TLE3: variants seen among roughly 807,000 people sequenced by gnomAD.
The protein encoded by TLE3 is TLE family member 3, transcriptional corepressor.
A neutral mutation model predicts 93.0 loss-of-function variants in TLE3; 14 were observed. The observed-to-expected ratio is 0.15, with a 90% confidence interval of 0.10 to 0.24. The LOEUF (loss-of-function observed/expected upper bound fraction) is 0.24, where lower values mean the gene tolerates loss of function less well. TLE3 is among the 10% of genes least tolerant of loss of function. The pLI is 1.00. For missense variants in TLE3, 693 were observed against 1,046.6 expected, an observed-to-expected ratio of 0.66 and a Z score of 4.66; for synonymous variants, 451 against 425.0, an observed-to-expected ratio of 1.06 and a Z score of -0.75.
intron 8 of TLE3, 130 bp from the exon 9 acceptor site, chr15:70,060,779 T>C: frequency 6.7e-7 from 1 of 1,488,056 alleles, no homozygotes; most frequent in South Asian, 1.2e-5. Context: ...CTCTCTGCCC[T>C]GCAGATCGTG....
intron 9 of TLE3, among the ~76,000 whole-genome samples, 161 bp downstream of exon 9, chr15:70,060,369 G>A (rs2056389237): frequency 6.6e-6 from 1 of 152,128 alleles, no homozygotes; most frequent in Non-Finnish European, 1.5e-5. Context: ...CCCTAGCCCT[G>A]TTCCCACCCT....
rs2228176 is a variant in TLE3 at position 70,060,629 on chromosome 15, C to T, written c.615G>A (p.Ser205=). The T allele has an allele frequency of 6.2e-6, 10 of 1,613,632 alleles. No homozygotes were observed. The highest frequency in any genetic ancestry group is 5.3e-5 in the African/African-American group (4 of 74,890). ...ESSANNSVSP[S]ESLRASEKHR... ...GCTTCTCACTGGCCCGGAGGCTTTC[C>T]GAGGGTGACACAGAGTTATTCTGGA... Residue 205 remains serine (S), a synonymous_variant, in exon 9 of 20, where the codon TCG becomes TCA. Coordinates refer to ENST00000451782, the MANE Select transcript of TLE3 (RefSeq NM_001105192.3).
At chr15:70,089,890 G>T (rs1259666391) in intron 4 of TLE3, among the ~76,000 whole-genome samples, 1 of 152,220 alleles carries the variant, frequency 6.6e-6, no homozygotes, top group Non-Finnish European at 1.5e-5. Flanking sequence ...AGGAAAGGAA[G>T]AACTCCGTGT....
At chr15:70,050,855 CG>C (rs2055462387) in intron 19 of TLE3, 1 of 153,870 alleles carries the variant, frequency 6.5e-6, no homozygotes, top group African/African-American at 2.5e-5. Context: ...AAAGAGTGCA[CG>C]TGTGTGTGTG....
rs2056273350 is a variant in TLE3, at chr15:70,058,861, C to A, written c.766-46G>T. On this transcript the variant is annotated intron_variant, in intron 10 of 19. Coordinates refer to ENST00000451782, the MANE Select transcript of TLE3 (RefSeq NM_001105192.3). This position sits in a 1 kb window ranked among gnomAD's most constrained non-coding sequence, Gnocchi z 4.1. ...GAGATGCACTGAAAGCAACAGCCAG[C>A]CTCGAGGCTTCCCTGCTCTGGGAGT... The A allele has an allele frequency of 6.7e-7, 1 of 1,502,040 alleles. No homozygotes were observed. Among genetic ancestry groups the A allele is most frequent in the South Asian group, 1.3e-5 (1 of 74,216 alleles). 93.0% of individuals were successfully genotyped at this position (1,502,040 alleles called of 1,614,324 possible).
At chr15:70,072,543 C>G (rs574201948) in intron 6 of TLE3, among the ~76,000 whole-genome samples, 1 of 152,364 alleles carries the variant, frequency 6.6e-6, no homozygotes, top group Admixed American at 6.5e-5. Flanking sequence ...GTCACTGAGA[C>G]AGATGACACA....
rs144983314 is a variant in TLE3 at position 70,094,798 on chromosome 15, G to C, written c.190-222C>G. ...AGAACGTTATATTATGTGGTAGTAA[G>C]GGGAGCTGGGCCTTCCCTCCCACAA... On this transcript the variant is annotated intron_variant, in intron 3 of 19. Coordinates refer to ENST00000451782, the MANE Select transcript of TLE3 (RefSeq NM_001105192.3). 3.9e-3 allele frequency: 2,055 copies of C among 530,934 alleles called. 77 individuals are homozygous for C. In the Admixed American group the frequency reaches 0.063, roughly 16 times the overall value. 32.9% of individuals were successfully genotyped at this position (530,934 alleles called of 1,614,324 possible).
chr15:70,058,036 G>A lies in TLE3; in HGVS notation c.1051+123C>T. 1.4e-6 allele frequency: 2 copies of A among 1,431,108 alleles called. No individual in the cohort carries two copies. The highest frequency in any genetic ancestry group is 1.3e-5 in the South Asian group (1 of 75,880). 88.7% of individuals were successfully genotyped at this position (1,431,108 alleles called of 1,614,324 possible). A position where few individuals can be genotyped will look rare whatever the true frequency, so the allele number is the denominator to read the frequency against. On this transcript the variant is annotated intron_variant, in intron 12 of 19. Transcript: ENST00000451782. This position sits in a 1 kb window ranked among gnomAD's most constrained non-coding sequence, Gnocchi z 4.1. Reference sequence around the variant, plus strand: ...AAATCTGACCGTGAAGTCCCCAGGGGCAGGCCCTGGGAGACACTGCCTGTG... The same window carrying A: ...AAATCTGACCGTGAAGTCCCCAGGGACAGGCCCTGGGAGACACTGCCTGTG...
intron 17 of TLE3, 152 bp from the exon 18 acceptor site, chr15:70,052,676 C>T: frequency 2.7e-6 from 2 of 733,594 alleles, no homozygotes; most frequent in East Asian, 3.1e-5. Flanking sequence ...CATTTTCCAT[C>T]CCCATTTTAT....
chr15:70,082,619 C>T (rs956084600), intron 4 of TLE3, among the ~76,000 whole-genome samples: 1 of 152,182 alleles, frequency 6.6e-6, no homozygotes, highest in Non-Finnish European at 1.5e-5. Context: ...TTTATGCCCT[C>T]CGAGGAAGCC....
chr15:70,096,941 C>G lies in TLE3; in HGVS notation c.-143G>C, dbSNP rs912939234. ...CCCCGGCCCCCCCAGCTCGTTCTCG[C>G]AGCGAAATCCCAGAGTCGGGCGCCC... On this transcript the variant is annotated 5_prime_UTR_variant, in exon 1 of 20. Coordinates refer to ENST00000451782, the MANE Select transcript of TLE3 (RefSeq NM_001105192.3). 15 of 959,710 alleles carry G rather than the reference C, an allele frequency of 1.6e-5. No homozygotes were observed. The African/African-American group carries it at 2.4e-4, about 15-fold the overall frequency. The allele number at this position is 959,710 out of a possible 1,614,324, so 59.4% of individuals were successfully genotyped here. A position where few individuals can be genotyped will look rare whatever the true frequency, so the allele number is the denominator to read the frequency against.
chr15:70,059,329 C>T, intron 10 of TLE3, 81 bp downstream of exon 10: 1 of 1,500,964 alleles, frequency 6.7e-7, no homozygotes, highest in Non-Finnish European at 9.0e-7. Flanking sequence ...CTAGAACAGA[C>T]AGAATAGATC....
At chr15:70,095,702 G>T in intron 2 of TLE3, 61 bp from the exon 3 acceptor site, 1 of 1,533,010 alleles carries the variant, frequency 6.5e-7, no homozygotes, top group South Asian at 1.2e-5. Flanking sequence ...CTGAGGCCCC[G>T]ACCCAAGGGC....
rs1444242255 is a variant in TLE3, at chr15:70,055,313, A to C, written c.1329-15T>G. 2 of 1,550,064 alleles carry C rather than the reference A, an allele frequency of 1.3e-6. No individual in the cohort carries two copies. The highest frequency in any genetic ancestry group is 1.7e-6 in the Non-Finnish European group (2 of 1,148,908). On this transcript the variant is annotated splice_polypyrimidine_tract_variant and intron_variant, in intron 14 of 19. Coordinates refer to ENST00000451782, the MANE Select transcript of TLE3 (RefSeq NM_001105192.3). ...ATGAGTACGCTCTGAAAAGGTGAGAAACCGTCACTGCTGCCATCCACCCCG... is the reference window on the plus strand; with the variant it reads ...ATGAGTACGCTCTGAAAAGGTGAGACACCGTCACTGCTGCCATCCACCCCG...
At chr15:70,075,271 G>A (rs767769174) in intron 5 of TLE3, among the ~76,000 whole-genome samples, 2 of 152,228 alleles carry the variant, frequency 1.3e-5, no homozygotes, top group African/African-American at 2.4e-5. Flanking sequence ...GATGTTGATA[G>A]TGGGGAGGAT....
Position 70,055,226 on chromosome 15 carries a change from G to A in TLE3, c.1401C>T (p.Gly467=). The part of the protein sequence containing the change: ...PVPFPHDALA[G]PGIPRHARQI... ...GCCGGGCGTGCCTCGGGATGCCGGGGCCTGCCAGGGCGTCGTGGGGGAAGG... is the reference window on the plus strand; with the variant it reads ...GCCGGGCGTGCCTCGGGATGCCGGGACCTGCCAGGGCGTCGTGGGGGAAGG... The change falls in exon 15 of 20, where the codon GGC becomes GGT. Residue 467 remains glycine, a synonymous_variant. Coordinates refer to ENST00000451782, the MANE Select transcript of TLE3 (RefSeq NM_001105192.3). 1.9e-6 allele frequency: 3 copies of A among 1,613,142 alleles called. No homozygotes were observed. The highest frequency in any genetic ancestry group is 1.7e-6 in the Non-Finnish European group (2 of 1,179,646).
At chr15:70,078,752 C>A (rs889118581) in intron 4 of TLE3, among the ~76,000 whole-genome samples, 3 of 152,258 alleles carry the variant, frequency 2.0e-5, no homozygotes, top group African/African-American at 7.2e-5. Flanking sequence ...CTGGCCACTA[C>A]TCCTCCCCAC....
Position 70,096,195 on chromosome 15 carries a change from C to G in TLE3, c.91G>C (p.Asp31His). 1 of 1,561,344 alleles carries G rather than the reference C, an allele frequency of 6.4e-7. No individual in the cohort carries two copies. Among genetic ancestry groups the G allele is most frequent in the Non-Finnish European group, 8.7e-7 (1 of 1,152,524 alleles). ...TVAESCDRIK[D>H]EFQFLQAQYH... ...TGAGCTTGCAGGAACTGGAATTCGT[C>G]TTTGATCCTGTCACAAGACTCAGCC... The change falls in exon 2 of 20, where the codon GAC (aspartate) becomes CAC (histidine). Residue 31 changes from aspartate (D) to histidine (H), a missense_variant. This residue lies in a region of TLE3 where 104 missense variants were observed against 173.8 expected (regional missense o/e 0.60). Coordinates refer to ENST00000451782, the MANE Select transcript of TLE3 (RefSeq NM_001105192.3).
chr15:70,072,136 G>C (rs1003093579), intron 6 of TLE3, among the ~76,000 whole-genome samples: 1 of 152,184 alleles, frequency 6.6e-6, no homozygotes, highest in African/African-American at 2.4e-5. Flanking sequence ...TTGAAAATGG[G>C]GGTCACAGGC....
Sources: allele counts gnomAD v4.1 joint callset (sites outside exome capture counted in the v4.1 genomes callset), GRCh38; gene constraint gnomAD v4.1.1; regional missense constraint gnomAD v4.1.1; non-coding constraint Gnocchi (gnomAD v3.1); transcripts MANE v1.5; gene names NCBI Gene and HGNC (gene_info 2026-07-23, HGNC 2026-07-21).